Variants in TSHZ2 observed in about 807,000 individuals in gnomAD.
The protein encoded by TSHZ2 is teashirt homolog 2.
In TSHZ2, 21 loss-of-function variants were observed where a neutral mutation model predicts 74.4. The observed-to-expected ratio is 0.28, with a 90% CI of 0.20 to 0.41. The LOEUF is 0.41. Among genes scored for constraint, TSHZ2 ranks in the 10% least tolerant of loss-of-function variants. The pLI, the probability that TSHZ2 is intolerant of heterozygous loss-of-function variation, is 1.00. For synonymous variants in TSHZ2, 540 were observed against 515.3 expected, an observed-to-expected ratio of 1.05 and a Z score of -0.65; for missense variants, 1,244 against 1,293.5, an observed-to-expected ratio of 0.96 and a Z score of 0.59.
intron 2 of TSHZ2, among the ~76,000 whole-genome samples, chr20:53,285,587 A>G (rs1991148710): frequency 6.6e-6 from 1 of 152,032 alleles, no homozygotes; most frequent in African/African-American, 2.4e-5. Context: ...GTGCCTGCCT[A>G]TAATTCCAGC....
At chr20:53,062,519 C>T (rs1169803984) in intron 1 of TSHZ2, among the ~76,000 whole-genome samples, 1 of 152,168 alleles carries the variant, frequency 6.6e-6, no homozygotes, top group Non-Finnish European at 1.5e-5. Context: ...GTTAGTGTTT[C>T]TTGAACTTCA....
At chr20:53,401,769 A>ATTTT (rs1199832135) in intron 2 of TSHZ2, among the ~76,000 whole-genome samples, 1 of 122,154 alleles carries the variant, frequency 8.2e-6, no homozygotes, top group Non-Finnish European at 1.7e-5. Flanking sequence ...TATACAACAC[A>ATTTT]TTTTCTTTTT....
Position 53,254,252 on chromosome 20 carries a change from A to T in TSHZ2, c.794A>T (p.Asp265Val), listed in dbSNP as rs1226712543. 1 of 1,613,998 alleles carries T rather than the reference A, an allele frequency of 6.2e-7. No homozygotes were observed. Among genetic ancestry groups the T allele is most frequent in the Admixed American group, 1.7e-5 (1 of 59,988 alleles). The change falls in exon 2 of 3, where the codon GAT becomes GTT. Residue 265 changes from aspartate (D) to valine (V), a missense_variant. Asp to Val is a radical substitution (Grantham distance 152). Transcript: ENST00000371497. ...AAGCCCAGGAAAAGGGCTTTCCAGG[A>T]TATGGACAAAGAGGATGCTCAAAAG... ...YSKPRKRAFQ[D>V]MDKEDAQKVL...
chr20:53,122,628 G>A (rs924029932), intron 1 of TSHZ2, among the ~76,000 whole-genome samples: 3 of 152,246 alleles, frequency 2.0e-5, no homozygotes, highest in African/African-American at 7.2e-5. Flanking sequence ...GTTGGGTTAC[G>A]GGGAGACGTT....
At chr20:53,088,459 GATT>G (rs1985766083) in intron 1 of TSHZ2, among the ~76,000 whole-genome samples, 1 of 152,154 alleles carries the variant, frequency 6.6e-6, no homozygotes, top group South Asian at 2.1e-4. Flanking sequence ...GGCATTAACT[GATT>G]ATGTGATTTG....
chr20:53,032,469 TTG>T (rs1260602176), intron 1 of TSHZ2, among the ~76,000 whole-genome samples: 1 of 152,152 alleles, frequency 6.6e-6, no homozygotes, highest in African/African-American at 2.4e-5. Flanking sequence ...AAACTCTTGA[TTG>T]ATGCCAAAAA....
chr20:53,417,027 T>C (rs1983277584), intron 2 of TSHZ2, among the ~76,000 whole-genome samples: 1 of 152,204 alleles, frequency 6.6e-6, no homozygotes, highest in Admixed American at 6.5e-5. Context: ...TGTTCTCTTG[T>C]GGGAGGCTGT....
intron 1 of TSHZ2, among the ~76,000 whole-genome samples, chr20:53,089,883 G>A (rs1198275256): frequency 6.6e-6 from 1 of 152,206 alleles, no homozygotes; most frequent in African/African-American, 2.4e-5. Flanking sequence ...AGAACTAATA[G>A]GATAGATGTA....
intron 1 of TSHZ2, among the ~76,000 whole-genome samples, chr20:53,156,397 G>C (rs1028374485): frequency 2.0e-5 from 3 of 152,090 alleles, no homozygotes; most frequent in Non-Finnish European, 2.9e-5. Context: ...GGGTCACATG[G>C]GCACTTGGGT....
intron 1 of TSHZ2, among the ~76,000 whole-genome samples, chr20:52,997,814 T>G: frequency 6.6e-6 from 1 of 152,184 alleles, no homozygotes; most frequent in Admixed American, 6.5e-5. Context: ...GCAAAGTGGG[T>G]TCATAAAATC....
At chr20:53,009,994 AT>A (rs1387206167) in intron 1 of TSHZ2, among the ~76,000 whole-genome samples, 7 of 152,194 alleles carry the variant, frequency 4.6e-5, no homozygotes, top group African/African-American at 1.7e-4. Flanking sequence ...AATCACTATC[AT>A]TGTCATTGTT....
At chr20:52,984,468 T>G (rs953483662) in intron 1 of TSHZ2, among the ~76,000 whole-genome samples, 2 of 152,038 alleles carry the variant, frequency 1.3e-5, no homozygotes, top group Non-Finnish European at 2.9e-5. Flanking sequence ...AAACTGCACC[T>G]CTCTGGAGGA....
At chr20:53,195,034 G>T (rs1026834889) in intron 1 of TSHZ2, among the ~76,000 whole-genome samples, 1 of 152,000 alleles carries the variant, frequency 6.6e-6, no homozygotes, top group Admixed American at 6.6e-5. Flanking sequence ...TGTCACCTTC[G>T]GGAAGGTGGG....
intron 2 of TSHZ2, among the ~76,000 whole-genome samples, chr20:53,478,969 A>G (rs1024471803): frequency 2.0e-5 from 3 of 152,150 alleles, no homozygotes; most frequent in South Asian, 2.1e-4. Flanking sequence ...ATTCCAGACC[A>G]GTCTGGTCAA....
intron 2 of TSHZ2, among the ~76,000 whole-genome samples, chr20:53,287,648 A>G (rs561151304): frequency 4.6e-5 from 7 of 152,298 alleles, no homozygotes; most frequent in African/African-American, 1.4e-4. Flanking sequence ...GATTGGAAAA[A>G]GCTTGGGAAA....
At chr20:53,128,062 T>G (rs1272939019) in intron 1 of TSHZ2, among the ~76,000 whole-genome samples, 2 of 152,222 alleles carry the variant, frequency 1.3e-5, no homozygotes, top group Non-Finnish European at 2.9e-5. Context: ...TAAAACTTGT[T>G]GTAATCCAGA....
intron 1 of TSHZ2, among the ~76,000 whole-genome samples, chr20:53,231,144 T>C (rs1372119270): frequency 6.6e-6 from 1 of 152,182 alleles, no homozygotes; most frequent in Non-Finnish European, 1.5e-5. Context: ...TTTCTGCAAA[T>C]GCCTTCAGCC....
At chr20:53,267,674 T>C (rs2668790) in intron 2 of TSHZ2, among the ~76,000 whole-genome samples, 62,144 of 152,006 alleles carry the variant, frequency 0.41, 12,977 homozygotes, top group Admixed American at 0.5. Flanking sequence ...CAGTGTATGT[T>C]AGATGCTTGC....
At chr20:53,080,321 A>G (rs1043201121) in intron 1 of TSHZ2, among the ~76,000 whole-genome samples, 3 of 152,162 alleles carry the variant, frequency 2.0e-5, no homozygotes, top group Admixed American at 2.0e-4. Flanking sequence ...GTCTTAAGGA[A>G]GAGGATGGTA....
Sources: gnomAD v4.1 joint callset for allele counts (sites outside exome capture counted in the v4.1 genomes callset) on GRCh38, gnomAD v4.1.1 for gene constraint, MANE v1.5 for transcripts, NCBI Gene and HGNC (gene_info 2026-07-23, HGNC 2026-07-21) for gene names.